Variants in WDR72 observed in about 807,000 individuals in gnomAD.
The protein encoded by WDR72 is WD repeat-containing protein 72.
In WDR72, 120 loss-of-function variants were observed where a neutral mutation model predicts 124.2. The ratio of observed to expected loss-of-function variants is 0.97; its 90% CI spans 0.83 to 1.12. The LOEUF (loss-of-function observed/expected upper bound fraction) is 1.12, where lower values mean the gene tolerates loss of function less well. Ranked by LOEUF, WDR72 falls within the 50% of genes most tolerant of loss-of-function variation. The pLI is 0.00. For synonymous variants in WDR72, 452 were observed against 441.7 expected (o/e 1.02, Z -0.29); for missense variants, 1,387 against 1,278.8 (o/e 1.08, Z -1.29).
chr15:53,668,538 C>G (rs1029415798), intron 13 of WDR72, among the ~76,000 whole-genome samples: 1 of 152,120 alleles, frequency 6.6e-6, no homozygotes, highest in Non-Finnish European at 1.5e-5. Context: ...TAAATATTTT[C>G]TCATTCATCA....
At chr15:53,697,225 A>T (rs145586598) in intron 13 of WDR72, among the ~76,000 whole-genome samples, 11 of 152,336 alleles carry the variant, frequency 7.2e-5, no homozygotes, top group African/African-American at 2.6e-4. Flanking sequence ...CCATAATGAC[A>T]ACTCTATCGA....
intron 18 of WDR72, among the ~76,000 whole-genome samples, chr15:53,563,369 T>TA (rs1894190587): frequency 6.6e-6 from 1 of 151,862 alleles, no homozygotes; most frequent in African/African-American, 2.4e-5. Context: ...ATCTTTCACT[T>TA]ACGACTTCAG....
upstream of WDR72, among the ~76,000 whole-genome samples, chr15:53,760,667 T>C (rs1007782806): frequency 2.5e-4 from 38 of 152,362 alleles, no homozygotes; most frequent in African/African-American, 8.7e-4. Context: ...TTCTTTGATA[T>C]ACTGATTTTC....
intron 18 of WDR72, among the ~76,000 whole-genome samples, chr15:53,578,048 A>C (rs572081221): frequency 6.6e-6 from 1 of 152,228 alleles, no homozygotes; most frequent in South Asian, 2.1e-4. Context: ...TTAATTTTAG[A>C]AGTATGTTAT....
chr15:53,521,306 G>A (rs1158665197), intron 19 of WDR72, among the ~76,000 whole-genome samples: 1 of 151,988 alleles, frequency 6.6e-6, no homozygotes. Context: ...TTTACTCCTG[G>A]CCACGGATCA....
intron 18 of WDR72, among the ~76,000 whole-genome samples, chr15:53,574,258 T>A (rs560649068): frequency 6.6e-5 from 10 of 152,338 alleles, no homozygotes; most frequent in Admixed American, 4.6e-4. Context: ...GAAAACTGAT[T>A]GAAGAGATGC....
chr15:53,605,625 C>T (rs1488428696), intron 17 of WDR72, among the ~76,000 whole-genome samples: 7 of 152,116 alleles, frequency 4.6e-5, no homozygotes, highest in East Asian at 1.9e-4. Context: ...GAGGCCAAGG[C>T]GGGGGGATCA....
At chr15:53,664,682 T>C (rs1427139924) in intron 14 of WDR72, among the ~76,000 whole-genome samples, 1 of 152,110 alleles carries the variant, frequency 6.6e-6, no homozygotes. Context: ...CTTCCAAAAA[T>C]ATATCCTTTA....
chr15:53,596,000 T>C (rs1307860960), intron 18 of WDR72, among the ~76,000 whole-genome samples: 1 of 152,140 alleles, frequency 6.6e-6, no homozygotes, highest in Non-Finnish European at 1.5e-5. Context: ...TTTTCATTTC[T>C]CTCTACATAA....
rs578595 is a variant in WDR72 at position 53,704,892 on chromosome 15, C to A, written c.1348+96G>T. The A allele has an allele frequency of 0.5, 702,107 of 1,405,122 alleles. 182,197 individuals are homozygous for A. Among genetic ancestry groups the A allele is most frequent in the Middle Eastern group, 0.58 (3,022 of 5,252 alleles). 87.0% of individuals were successfully genotyped at this position (1,405,122 alleles called of 1,614,324 possible). On this transcript the variant is annotated intron_variant, in intron 11 of 19. Coordinates refer to ENST00000360509, the MANE Select transcript of WDR72 (RefSeq NM_182758.4). ...GTACATATTTATCAGCAAATGCCAG[C>A]AAATTATTTAGGCCTCTAAATCTTG... is the stretch of plus-strand genomic sequence containing the variant.
At position 53,534,937 on chromosome 15, in the gene WDR72, G is replaced by C. The variant is rs193265323; in HGVS notation, c.3149-11615C>G. Among the ~76,000 whole-genome samples the C allele has an allele frequency of 2.0e-5, 3 of 152,118 alleles. No individual in the cohort carries two copies. The East Asian group carries it at 5.8e-4, about 29-fold the overall frequency. ...AAAATTTCACCAAATATAAGGCCTA[G>C]ATTATACTAGTTCTATTTTATACAT... On this transcript the variant is annotated intron_variant, in intron 18 of 19. Coordinates refer to ENST00000360509, the MANE Select transcript of WDR72 (RefSeq NM_182758.4).
At position 53,702,290 on chromosome 15, in the gene WDR72, A is replaced by G. The variant is rs2017206538; in HGVS notation, c.1413T>C (p.His471=). The change falls in exon 12 of 20, where the codon CAT becomes CAC. Residue 471 remains histidine, a synonymous_variant. Coordinates refer to ENST00000360509, the MANE Select transcript of WDR72 (RefSeq NM_182758.4). The part of the protein sequence containing the change: ...HQSVTSLLYP[H]GLSSKLDQSW... ...TTTGGTCTAATTTCGAAGAGAGACCATGTGGATAGAGTAATGAAGTGACAC... is the reference window on the plus strand; with the variant it reads ...TTTGGTCTAATTTCGAAGAGAGACCGTGTGGATAGAGTAATGAAGTGACAC... 6.2e-7 allele frequency: 1 copy of G among 1,614,112 alleles called. No individual in the cohort carries two copies. Among genetic ancestry groups the G allele is most frequent in the East Asian group, 2.2e-5 (1 of 44,864 alleles).
At chr15:53,599,917 G>A (rs1231428881) in intron 17 of WDR72, among the ~76,000 whole-genome samples, 1 of 151,856 alleles carries the variant, frequency 6.6e-6, no homozygotes, top group African/African-American at 2.4e-5. Flanking sequence ...ATAATGATAC[G>A]AATATCATCA....
chr15:53,683,054 A>G (rs1416700511), intron 13 of WDR72, among the ~76,000 whole-genome samples: 2 of 152,068 alleles, frequency 1.3e-5, no homozygotes, highest in Admixed American at 6.5e-5. Context: ...GCAACTTCCA[A>G]ATACTTTTAA....
intron 18 of WDR72, among the ~76,000 whole-genome samples, chr15:53,565,068 C>T (rs1452161141): frequency 6.6e-6 from 1 of 151,788 alleles, no homozygotes; most frequent in African/African-American, 2.4e-5. Flanking sequence ...TGATTCAATC[C>T]TAAAAGCCTG....
chr15:53,620,496 T>G (rs975749385), intron 14 of WDR72, among the ~76,000 whole-genome samples: 1 of 151,924 alleles, frequency 6.6e-6, no homozygotes, highest in African/African-American at 2.4e-5. Context: ...TAAACCTAAA[T>G]ACTTACAGCC....
chr15:53,648,738 C>T (rs903504203), intron 14 of WDR72, among the ~76,000 whole-genome samples: 1 of 151,642 alleles, frequency 6.6e-6, no homozygotes, highest in Non-Finnish European at 1.5e-5. Flanking sequence ...AAATCAATAC[C>T]CAGAGAGTAT....
chr15:53,710,895 G>A lies in WDR72; in HGVS notation c.916C>T (p.Pro306Ser). 6.2e-7 allele frequency: 1 copy of A among 1,613,738 alleles called. No individual in the cohort carries two copies. Among genetic ancestry groups the A allele is most frequent in the Non-Finnish European group, 8.5e-7 (1 of 1,179,764 alleles). ...DGRVLKETIY[P>S]HLLCSTSVQE... ...ACAGAAGTAGAGCACAGTAAATGAG[G>A]ATAAATGGTCTCTTTAAGCACTCTT... Residue 306 changes from proline to serine, a missense_variant, in exon 9 of 20, where the codon CCT (proline) becomes TCT (serine). Coordinates refer to ENST00000360509, the MANE Select transcript of WDR72 (RefSeq NM_182758.4).
chr15:53,550,887 GAC>G (rs1893700476), intron 18 of WDR72, among the ~76,000 whole-genome samples: 1 of 152,102 alleles, frequency 6.6e-6, no homozygotes, highest in Admixed American at 6.5e-5. Flanking sequence ...CTGACTAGGA[GAC>G]ACACAATCTG....
Sources: gnomAD v4.1 joint callset for allele counts (sites outside exome capture counted in the v4.1 genomes callset) on GRCh38, gnomAD v4.1.1 for gene constraint, MANE v1.5 for transcripts, NCBI Gene and HGNC (gene_info 2026-07-23, HGNC 2026-07-21) for gene names.